Variants in ZEB2 observed in about 807,000 individuals in gnomAD.
ZEB2 encodes the protein zinc finger E-box binding homeobox 2.
A neutral mutation model predicts 99.9 loss-of-function variants in ZEB2; 6 were observed. The ratio of observed to expected loss-of-function variants is 0.06; its 90% confidence interval spans 0.03 to 0.12. The LOEUF is 0.12. Ranked by LOEUF, ZEB2 falls within the 10% of genes least tolerant of loss-of-function variation. The pLI is 1.00. For missense variants in ZEB2, 969 were observed against 1,502.8 expected, an observed-to-expected ratio of 0.64 and a Z score of 5.87; for synonymous variants, 517 against 542.5, an observed-to-expected ratio of 0.95 and a Z score of 0.65.
At chr2:144,472,256 T>C (rs1408426133) in intron 2 of ZEB2, among the ~76,000 whole-genome samples, 2 of 152,134 alleles carry the variant, frequency 1.3e-5, no homozygotes, top group African/African-American at 4.8e-5. Flanking sequence ...ATGTTCTTTA[T>C]AATCATCCTC....
chr2:144,390,845 T>C (rs1192683456), intron 9 of ZEB2, among the ~76,000 whole-genome samples: 2 of 152,202 alleles, frequency 1.3e-5, no homozygotes, highest in African/African-American at 4.8e-5. Flanking sequence ...ATCTGGTTGA[T>C]TCCAGGCCAC....
chr2:144,393,191 A>G (rs1425599661), intron 9 of ZEB2, among the ~76,000 whole-genome samples: 1 of 152,178 alleles, frequency 6.6e-6, no homozygotes, highest in Non-Finnish European at 1.5e-5. Context: ...TGAAGTCAAC[A>G]TTTACATAGT....
intron 2 of ZEB2, among the ~76,000 whole-genome samples, chr2:144,465,242 CTA>C (rs1456148903): frequency 6.6e-6 from 1 of 152,154 alleles, no homozygotes; most frequent in Non-Finnish European, 1.5e-5. Flanking sequence ...CCTCAGTAAA[CTA>C]TGAGCACTGA....
chr2:144,384,255 C>T lies in ZEB2; in HGVS notation c.*5196G>A, dbSNP rs564507315. The T allele has an allele frequency of 8.3e-4, 125 of 151,386 alleles. No individual in the cohort carries two copies. Among genetic ancestry groups the T allele is most frequent in the African/African-American group, 3.0e-3 (122 of 41,294 alleles). The allele number at this position is 151,386 out of a possible 1,614,324, so 9.4% of individuals were successfully genotyped here. On this transcript the variant is annotated 3_prime_UTR_variant, in exon 10 of 10. Coordinates refer to ENST00000627532, the MANE Select transcript of ZEB2 (RefSeq NM_014795.4). ...GTCATGCTAGATTATAGGTAGTAGGCGACTCGTTTAATAGAGAAAGTTTTA... is the reference window on the plus strand; with the variant it reads ...GTCATGCTAGATTATAGGTAGTAGGTGACTCGTTTAATAGAGAAAGTTTTA...
At position 144,444,487 on chromosome 2, in the gene ZEB2, C is replaced by G. The variant is rs1308516076; in HGVS notation, c.74-14461G>C. Among the ~76,000 whole-genome samples, 5 of 152,164 alleles carry G rather than the reference C, an allele frequency of 3.3e-5. No homozygotes were observed. The East Asian group carries it at 7.7e-4, about 23-fold the overall frequency. The stretch of plus-strand genomic sequence containing the variant: ...ACTGTCATAAAACTCTGTGTGTCAC[C>G]AGCTGGGGGTCGGGGATTTAAAGAT... On this transcript the variant is annotated intron_variant, in intron 2 of 9. Coordinates refer to ENST00000627532, the MANE Select transcript of ZEB2 (RefSeq NM_014795.4).
At chr2:144,461,925 A>G (rs1472193086) in intron 2 of ZEB2, 2 of 152,180 alleles carry the variant, frequency 1.3e-5, no homozygotes, top group Non-Finnish European at 2.9e-5. Flanking sequence ...CAGGTTACAG[A>G]AATAACTACT....
intron 4 of ZEB2, among the ~76,000 whole-genome samples, chr2:144,409,493 T>G (rs1461198952): frequency 6.6e-6 from 1 of 152,136 alleles, no homozygotes; most frequent in Admixed American, 6.5e-5. Context: ...TTGGAAGAAC[T>G]GCCAAAACAC....
At chr2:144,406,626 T>C (rs1703390717) in intron 4 of ZEB2, among the ~76,000 whole-genome samples, 1 of 151,896 alleles carries the variant, frequency 6.6e-6, no homozygotes, top group African/African-American at 2.4e-5. Context: ...GGGAACCACG[T>C]GATGTAAGGG....
At chr2:144,488,579 T>C (rs1330122360) in intron 2 of ZEB2, among the ~76,000 whole-genome samples, 1 of 152,130 alleles carries the variant, frequency 6.6e-6, no homozygotes, top group Non-Finnish European at 1.5e-5. Context: ...GGATGTATTG[T>C]CATTCTTTGG....
At chr2:144,480,364 G>A (rs571452070) in intron 2 of ZEB2, among the ~76,000 whole-genome samples, 2 of 152,172 alleles carry the variant, frequency 1.3e-5, no homozygotes, top group African/African-American at 2.4e-5. Flanking sequence ...AAGCTACAGG[G>A]TACATCAATA....
chr2:144,426,641 C>G (rs1161690745), intron 3 of ZEB2: 4 of 151,940 alleles, frequency 2.6e-5, no homozygotes, highest in Non-Finnish European at 5.9e-5. Flanking sequence ...GCTGGGTATA[C>G]AAATGTGTAG....
chr2:144,473,479 T>A (rs1289550627), intron 2 of ZEB2, among the ~76,000 whole-genome samples: 1 of 152,108 alleles, frequency 6.6e-6, no homozygotes, highest in African/African-American at 2.4e-5. Flanking sequence ...CTCAGGCTGG[T>A]CTTAAATTCT....
chr2:144,475,233 C>A (rs897974082), intron 2 of ZEB2, among the ~76,000 whole-genome samples: 7 of 152,112 alleles, frequency 4.6e-5, no homozygotes, highest in Non-Finnish European at 8.8e-5. Context: ...AAACTGTTAT[C>A]TACTTGTTAT....
intron 2 of ZEB2, among the ~76,000 whole-genome samples, chr2:144,484,096 A>G (rs1001246871): frequency 7.9e-5 from 12 of 151,790 alleles, no homozygotes; most frequent in Non-Finnish European, 1.3e-4. Context: ...ACGGAACTCA[A>G]AGTTGTTCCC....
intron 9 of ZEB2, among the ~76,000 whole-genome samples, chr2:144,393,089 A>C (rs977196723): frequency 9.8e-5 from 15 of 152,336 alleles, no homozygotes; most frequent in Admixed American, 3.3e-4. Context: ...GTCAGATTTA[A>C]ATTTTAGAAT....
At chr2:144,517,138 G>A in intron 2 of ZEB2, 140 bp downstream of exon 2, 1 of 903,192 alleles carries the variant, frequency 1.1e-6, no homozygotes, top group South Asian at 3.4e-5. Flanking sequence ...CTCCGGCGCC[G>A]GCCGCGGAGG....
At chr2:144,400,312 G>C in intron 7 of ZEB2, 42 bp from the exon 8 acceptor site, 5 of 1,587,232 alleles carry the variant, frequency 3.2e-6, no homozygotes, top group Non-Finnish European at 4.3e-6. Flanking sequence ...TCCTTGATTA[G>C]ATAACAATTG....
rs1280059432 is a variant in ZEB2, at chr2:144,389,616, G to A, written c.3480C>T (p.Phe1160=). 1.9e-6 allele frequency: 3 copies of A among 1,613,670 alleles called. No individual in the cohort carries two copies. The highest frequency in any genetic ancestry group is 2.5e-6 in the Non-Finnish European group (3 of 1,179,982). The change falls in exon 10 of 10, where the codon TTC becomes TTT. Residue 1160 remains phenylalanine (F), a synonymous_variant. Transcript: ENST00000627532. The surrounding 1 kb of genome is among the most constrained non-coding windows in gnomAD (Gnocchi z 6.8). ...KLGRQDGDEE[F]EEEEEESENK... is the part of the protein sequence containing the mutation. ...TTTCACTTTCTTCCTCTTCCTCCTC[G>A]AACTCCTCGTCGCCATCCTGTCTGC...
At chr2:144,475,494 G>GTA (rs1180779845) in intron 2 of ZEB2, among the ~76,000 whole-genome samples, 14 of 151,934 alleles carry the variant, frequency 9.2e-5, no homozygotes, top group South Asian at 6.2e-4. Flanking sequence ...ATATGTGCGT[G>GTA]TATATATATA....
Sources: allele counts gnomAD v4.1 joint callset (sites outside exome capture counted in the v4.1 genomes callset), GRCh38; gene constraint gnomAD v4.1.1; non-coding constraint Gnocchi (gnomAD v3.1); transcripts MANE v1.5; gene names NCBI Gene and HGNC (gene_info 2026-07-23, HGNC 2026-07-21).